CRPPA: variants seen among roughly 807,000 people sequenced by gnomAD.
The protein encoded by CRPPA is D-ribitol-5-phosphate cytidylyltransferase.
CRPPA carries 43 observed loss-of-function variants against 52.0 expected under a neutral mutation model. That is an observed-to-expected ratio of 0.83 (90% CI 0.65 to 1.07). The LOEUF (loss-of-function observed/expected upper bound fraction) is 1.07, where lower values mean the gene tolerates loss of function less well. Ranked by LOEUF, CRPPA falls within the 50% of genes least tolerant of loss-of-function variation. CRPPA has a pLI of 0.00. For synonymous variants in CRPPA, 250 were observed against 203.5 expected, an observed-to-expected ratio of 1.23 and a Z score of -1.94; for missense variants, 629 against 551.7, an observed-to-expected ratio of 1.14 and a Z score of -1.40.
chr7:16,300,653 G>A (rs192921138), intron 5 of CRPPA, among the ~76,000 whole-genome samples: 219 of 152,270 alleles, frequency 1.4e-3, no homozygotes, highest in African/African-American at 5.1e-3. Context: ...GAGGCCAGGC[G>A]TGCTGCTAAA....
chr7:16,102,414 A>T (rs1271996294), intron 9 of CRPPA, among the ~76,000 whole-genome samples: 1 of 152,210 alleles, frequency 6.6e-6, no homozygotes, highest in South Asian at 2.1e-4. Flanking sequence ...CTTCATGACT[A>T]AAACACCAAA....
chr7:16,390,311 T>G (rs963875708), intron 2 of CRPPA, among the ~76,000 whole-genome samples: 3 of 152,150 alleles, frequency 2.0e-5, no homozygotes, highest in Non-Finnish European at 2.9e-5. Context: ...AATAACAAGT[T>G]TCTTCACACA....
intron 2 of CRPPA, among the ~76,000 whole-genome samples, chr7:16,398,390 A>G (rs1364401256): frequency 6.6e-6 from 1 of 151,870 alleles, no homozygotes; most frequent in East Asian, 1.9e-4. Flanking sequence ...TTGACATGTG[A>G]CTGACACGTG....
intron 9 of CRPPA, among the ~76,000 whole-genome samples, chr7:16,163,466 T>C (rs919288464): frequency 1.3e-5 from 2 of 152,158 alleles, no homozygotes; most frequent in Non-Finnish European, 2.9e-5. Context: ...TGACTCTTTA[T>C]CCAATTTGCC....
At chr7:16,235,097 A>G (rs1441704031) in intron 8 of CRPPA, among the ~76,000 whole-genome samples, 1 of 152,088 alleles carries the variant, frequency 6.6e-6, no homozygotes, top group African/African-American at 2.4e-5. Flanking sequence ...GAAGCATCTG[A>G]AAGTTTTCAA....
intron 3 of CRPPA, among the ~76,000 whole-genome samples, chr7:16,337,867 C>A (rs756774289): frequency 6.6e-6 from 1 of 152,120 alleles, no homozygotes; most frequent in Non-Finnish European, 1.5e-5. Flanking sequence ...AAGTTTCCCC[C>A]AGAAAAGCCC....
intron 9 of CRPPA, among the ~76,000 whole-genome samples, chr7:16,176,147 GC>G (rs1351885126): frequency 6.6e-6 from 1 of 152,000 alleles, no homozygotes; most frequent in Non-Finnish European, 1.5e-5. Flanking sequence ...AAATCCGACT[GC>G]CCTTCAAAGC....
intron 8 of CRPPA, among the ~76,000 whole-genome samples, chr7:16,241,205 T>C (rs1783097798): frequency 1.3e-5 from 2 of 152,138 alleles, no homozygotes; most frequent in East Asian, 1.9e-4. Context: ...TTTTCTTTTT[T>C]TAATTTGCTG....
chr7:16,124,133 C>T (rs1782531169), intron 9 of CRPPA, among the ~76,000 whole-genome samples: 1 of 144,918 alleles, frequency 6.9e-6, no homozygotes, highest in Non-Finnish European at 1.5e-5. Flanking sequence ...TTTGAGGAAC[C>T]TCCATACTGT....
chr7:16,146,476 A>G (rs79568869), intron 9 of CRPPA, among the ~76,000 whole-genome samples: 7,506 of 152,248 alleles, frequency 0.049, 246 homozygotes, highest in Non-Finnish European at 0.078. Context: ...AATCAAACTC[A>G]GAATATTAAT....
intron 3 of CRPPA, among the ~76,000 whole-genome samples, chr7:16,323,916 C>T (rs757523): frequency 0.08 from 12,188 of 152,124 alleles, 814 homozygotes; most frequent in African/African-American, 0.18. Context: ...CACCTACATA[C>T]GTGGTAAAAC....
At chr7:16,316,019 C>T (rs75384795) in intron 3 of CRPPA, among the ~76,000 whole-genome samples, 4,484 of 152,132 alleles carry the variant, frequency 0.029, 227 homozygotes, top group African/African-American at 0.099. Flanking sequence ...TCCCTACATG[C>T]CATGCAGGAA....
intron 9 of CRPPA, among the ~76,000 whole-genome samples, chr7:16,181,268 T>C (rs1161298479): frequency 6.6e-6 from 1 of 151,866 alleles, no homozygotes; most frequent in African/African-American, 2.4e-5. Context: ...AGGAAAAAAA[T>C]TATATACTAA....
chr7:16,118,263 T>A (rs1253357737), intron 9 of CRPPA, among the ~76,000 whole-genome samples: 1 of 152,138 alleles, frequency 6.6e-6, no homozygotes, highest in Non-Finnish European at 1.5e-5. Context: ...AAGGTGGTGG[T>A]CTTACCAAGA....
intron 6 of CRPPA, among the ~76,000 whole-genome samples, chr7:16,273,711 A>G (rs1784141799): frequency 6.6e-6 from 1 of 152,138 alleles, no homozygotes; most frequent in African/African-American, 2.4e-5. Flanking sequence ...CCTACCCTCC[A>G]CTGAGCTGTT....
At chr7:16,200,610 C>A (rs1781829987) in intron 9 of CRPPA, among the ~76,000 whole-genome samples, 1 of 152,088 alleles carries the variant, frequency 6.6e-6, no homozygotes, top group African/African-American at 2.4e-5. Flanking sequence ...GCTGCAGCTA[C>A]CTTATAATGT....
intron 9 of CRPPA, chr7:16,209,370 C>A (rs1209404797): frequency 6.1e-6 from 1 of 162,688 alleles, no homozygotes; most frequent in African/African-American, 2.5e-5. Context: ...CCCAGGGATT[C>A]AAGTGATTGT....
chr7:16,282,738 C>T (rs539272347), intron 5 of CRPPA, among the ~76,000 whole-genome samples: 43 of 152,050 alleles, frequency 2.8e-4, no homozygotes, highest in African/African-American at 9.4e-4. Context: ...GATGTAGATT[C>T]GAGGTAAAAT....
chr7:16,215,639 T>C (rs6959183), intron 9 of CRPPA, among the ~76,000 whole-genome samples: 108,720 of 152,088 alleles, frequency 0.71, 38,956 homozygotes, highest in Admixed American at 0.79. Flanking sequence ...TAAAAGTAAA[T>C]AATCTTAAAT....
Sources: allele counts gnomAD v4.1 joint callset (sites outside exome capture counted in the v4.1 genomes callset), GRCh38; gene constraint gnomAD v4.1.1; transcripts MANE v1.5; gene names NCBI Gene and HGNC (gene_info 2026-07-23, HGNC 2026-07-21).